Variants in NUCB2 observed in about 807,000 individuals in gnomAD.
NUCB2 encodes nucleobindin-2.
Under a neutral mutation model 57.9 loss-of-function variants are expected in NUCB2, and 48 were observed. That is an observed-to-expected ratio of 0.83 (90% CI 0.66 to 1.05). The LOEUF (loss-of-function observed/expected upper bound fraction) is 1.05. Among genes scored for constraint, NUCB2 ranks in the 50% least tolerant of loss-of-function variants. The pLI is 0.00. For synonymous variants in NUCB2, 139 were observed against 152.1 expected, an observed-to-expected ratio of 0.91 and a Z score of 0.64; for missense variants, 442 against 476.2, an observed-to-expected ratio of 0.93 and a Z score of 0.67.
At chr11:17,319,846 C>T (rs938719134) in intron 11 of NUCB2, among the ~76,000 whole-genome samples, 1 of 151,758 alleles carries the variant, frequency 6.6e-6, no homozygotes, top group Non-Finnish European at 1.5e-5. Flanking sequence ...GGTATTAAGC[C>T]CTCATACCCA....
chr11:17,334,872 C>T (rs1485919045), downstream of NUCB2, among the ~76,000 whole-genome samples: 1 of 138,298 alleles, frequency 7.2e-6, no homozygotes, highest in Non-Finnish European at 1.5e-5. Flanking sequence ...AGCCACAGAG[C>T]AAGGCTCTAT....
chr11:17,343,689 T>C (rs532301251), intron 2 of NUCB2, among the ~76,000 whole-genome samples: 1 of 152,236 alleles, frequency 6.6e-6, no homozygotes, highest in Non-Finnish European at 1.5e-5. Flanking sequence ...TAAAGCATAT[T>C]TACTATGTCC....
chr11:17,324,037 T>G (rs1317329575), intron 11 of NUCB2, among the ~76,000 whole-genome samples: 1 of 152,222 alleles, frequency 6.6e-6, no homozygotes, highest in East Asian at 1.9e-4. Context: ...ATTGATCTTT[T>G]GTATCATTTC....
intron 4 of NUCB2, among the ~76,000 whole-genome samples, chr11:17,296,887 G>A (rs554288498): frequency 5.2e-4 from 79 of 152,246 alleles, no homozygotes; most frequent in African/African-American, 1.8e-3. Flanking sequence ...AATAGGTGAG[G>A]TCCTGGTGTT....
At chr11:17,331,023 T>A (rs577981813) in intron 13 of NUCB2, 40 bp downstream of exon 13, 9 of 1,237,362 alleles carry the variant, frequency 7.3e-6, no homozygotes, top group Non-Finnish European at 1.0e-5. Context: ...GGAAAATAAA[T>A]TATTTTATCA....
At chr11:17,322,500 G>A (rs1950153930) in intron 11 of NUCB2, among the ~76,000 whole-genome samples, 2 of 152,062 alleles carry the variant, frequency 1.3e-5, no homozygotes, top group South Asian at 2.1e-4. Flanking sequence ...CTATAGTTTT[G>A]TAGGATAATT....
At chr11:17,281,006 A>C (rs543113816) in intron 1 of NUCB2, among the ~76,000 whole-genome samples, 2 of 152,146 alleles carry the variant, frequency 1.3e-5, no homozygotes, top group Non-Finnish European at 2.9e-5. Flanking sequence ...GCGCCAATGT[A>C]CTCCAGCCTG....
rs530504066 is a variant in NUCB2, at chr11:17,286,004, A to G, written c.-1+3061A>G. ...ATCTGTATAACTATGGGTATAAATC[A>G]GTAGCTAAGAAATCTGCCTCTGTGT... On this transcript the variant is annotated intron_variant, in intron 2 of 13. Transcript: ENST00000529010. 9.2e-5 allele frequency among the ~76,000 whole-genome samples: 14 copies of G among 151,978 alleles called. 1 individual carries two copies. The South Asian group carries it at 2.9e-3, about 32-fold the overall frequency.
Position 17,339,527 on chromosome 11 carries a change from G to A in NUCB2, n.2626+1993G>A, listed in dbSNP as rs562802122. Among the ~76,000 whole-genome samples the A allele has an allele frequency of 4.8e-3, 494 of 101,954 alleles. 4 individuals carry two copies. Among genetic ancestry groups the A allele is most frequent in the South Asian group, 0.042 (134 of 3,162 alleles). 66.9% of individuals were successfully genotyped at this position (101,954 alleles called of 152,430 possible). The stretch of plus-strand genomic sequence containing the variant: ...TCCCCCCACCCCCACAACAGGCCCC[G>A]GTGTGTGATGTTCCCCTTCCTGTGT... On this transcript the variant is annotated intron_variant and non_coding_transcript_variant, in intron 2 of 2. Coordinates refer to the NUCB2 transcript ENST00000532240.
At chr11:17,320,507 A>C (rs1949880293) in intron 11 of NUCB2, among the ~76,000 whole-genome samples, 1 of 152,066 alleles carries the variant, frequency 6.6e-6, no homozygotes, top group Non-Finnish European at 1.5e-5. Context: ...AAATACAAAA[A>C]TTAGCCGGGA....
intron 5 of NUCB2, among the ~76,000 whole-genome samples, chr11:17,306,688 G>C (rs1004139122): frequency 6.6e-6 from 1 of 152,114 alleles, no homozygotes; most frequent in Non-Finnish European, 1.5e-5. Flanking sequence ...AGGCCGAGGT[G>C]GGTGGATCAC....
chr11:17,324,370 CTTA>C (rs1462684807), intron 11 of NUCB2, among the ~76,000 whole-genome samples: 1 of 152,080 alleles, frequency 6.6e-6, no homozygotes, highest in African/African-American at 2.4e-5. Flanking sequence ...AAAAATTCCT[CTTA>C]TTATCGATTT....
intron 1 of NUCB2, among the ~76,000 whole-genome samples, chr11:17,282,318 G>C (rs1483287689): frequency 6.7e-6 from 1 of 148,516 alleles, no homozygotes; most frequent in Non-Finnish European, 1.5e-5. Flanking sequence ...GAGTGCAGTG[G>C]CATCATTTCG....
At chr11:17,292,755 G>A (rs1591292885) in intron 2 of NUCB2, among the ~76,000 whole-genome samples, 1 of 152,170 alleles carries the variant, frequency 6.6e-6, no homozygotes, top group Non-Finnish European at 1.5e-5. Context: ...TAATAATATT[G>A]ACTTCACAGA....
At chr11:17,344,271 C>G (rs1039625744) in intron 2 of NUCB2, among the ~76,000 whole-genome samples, 1 of 152,160 alleles carries the variant, frequency 6.6e-6, no homozygotes, top group African/African-American at 2.4e-5. Context: ...CTTTATAGAT[C>G]TCAGCAGGGA....
chr11:17,321,380 A>C (rs1473693302), intron 11 of NUCB2, among the ~76,000 whole-genome samples: 1 of 152,098 alleles, frequency 6.6e-6, no homozygotes, highest in Non-Finnish European at 1.5e-5. Flanking sequence ...GGCTTATTTC[A>C]CTTAACATAA....
intron 1 of NUCB2, among the ~76,000 whole-genome samples, chr11:17,277,938 A>T (rs1287933710): frequency 6.6e-6 from 1 of 152,140 alleles, no homozygotes; most frequent in Non-Finnish European, 1.5e-5. Flanking sequence ...AAATTCTGGA[A>T]ATTTAGAATT....
At chr11:17,315,064 A>C (rs186091345) in intron 10 of NUCB2, among the ~76,000 whole-genome samples, 25 of 152,316 alleles carry the variant, frequency 1.6e-4, no homozygotes, top group African/African-American at 6.0e-4. Flanking sequence ...TATACATATT[A>C]TGGTAAAGGA....
intron 2 of NUCB2, among the ~76,000 whole-genome samples, chr11:17,289,133 T>C (rs11024238): frequency 2.0e-5 from 3 of 151,816 alleles, no homozygotes; most frequent in African/African-American, 7.3e-5. Flanking sequence ...ATTTTTTGTA[T>C]TTTTAGTAGA....
Sources: allele counts gnomAD v4.1 joint callset (sites outside exome capture counted in the v4.1 genomes callset), GRCh38; gene constraint gnomAD v4.1.1; transcripts MANE v1.5; gene names NCBI Gene and HGNC (gene_info 2026-07-23, HGNC 2026-07-21).